The following MTUS1 variants were observed in gnomAD, a reference collection of about 807,000 sequenced individuals.
MTUS1 encodes the protein microtubule associated scaffold protein 1, also known as microtubule-associated tumor suppressor 1.
MTUS1 carries 109 observed loss-of-function variants against 120.8 expected under a neutral mutation model. The observed-to-expected ratio is 0.90, with a 90% CI of 0.77 to 1.06. The LOEUF is 1.06. MTUS1 is among the 50% of genes least tolerant of loss of function. The pLI is 0.00. For synonymous variants in MTUS1, 737 were observed against 550.5 expected, an observed-to-expected ratio of 1.34 and a Z score of -4.74; for missense variants, 2,210 against 1,486.3, an observed-to-expected ratio of 1.49 and a Z score of -8.01.
chr8:17,741,129 T>G (rs1434783709), intron 3 of MTUS1, among the ~76,000 whole-genome samples: 1 of 152,102 alleles, frequency 6.6e-6, no homozygotes, highest in Admixed American at 6.6e-5. Flanking sequence ...TCCACCTGCC[T>G]CAGCCTCCCA....
At chr8:17,745,506 GC>G (rs2047675744) in intron 2 of MTUS1, among the ~76,000 whole-genome samples, 1 of 152,226 alleles carries the variant, frequency 6.6e-6, no homozygotes, top group South Asian at 2.1e-4. Flanking sequence ...CAGATGTGGA[GC>G]CCATAGATAC....
Position 17,684,263 on chromosome 8 carries a change from G to C in MTUS1, c.2838+65C>G, listed in dbSNP as rs921498022. ...AGATATTCCCAAGGCCAGCGTGTGAGCAAGTCCTCCCCGTGCTCCCCCGAC... is the reference window on the plus strand; with the variant it reads ...AGATATTCCCAAGGCCAGCGTGTGACCAAGTCCTCCCCGTGCTCCCCCGAC... On this transcript the variant is annotated intron_variant, in intron 7 of 14. Transcript: ENST00000693296. The C allele has an allele frequency of 5.2e-5, 61 of 1,180,202 alleles. No individual in the cohort carries two copies. The African/African-American group carries it at 8.3e-4, about 16-fold the overall frequency. The allele number at this position is 1,180,202 out of a possible 1,614,324, so 73.1% of individuals were successfully genotyped here. A position where few individuals can be genotyped will look rare whatever the true frequency, so the allele number is the denominator to read the frequency against.
chr8:17,688,805 G>A (rs57420854), intron 6 of MTUS1, among the ~76,000 whole-genome samples: 2 of 152,160 alleles, frequency 1.3e-5, no homozygotes, highest in African/African-American at 2.4e-5. Context: ...TAATTTAGGA[G>A]ACATATATTT....
chr8:17,652,458 G>C (rs1362677224), intron 12 of MTUS1, among the ~76,000 whole-genome samples: 1 of 152,080 alleles, frequency 6.6e-6, no homozygotes, highest in Non-Finnish European at 1.5e-5. Flanking sequence ...CATAGAGATA[G>C]AAAGTAGACG....
chr8:17,772,309 CTATAT>C (rs1308259846), intron 1 of MTUS1, among the ~76,000 whole-genome samples: 1 of 152,136 alleles, frequency 6.6e-6, no homozygotes, highest in Admixed American at 6.5e-5. Context: ...CACCATTATA[CTATAT>C]TAAATACTTT....
chr8:17,669,955 C>T (rs560531723), intron 8 of MTUS1, among the ~76,000 whole-genome samples: 41 of 152,176 alleles, frequency 2.7e-4, no homozygotes, highest in Non-Finnish European at 5.7e-4. Context: ...GCAAGGTGAC[C>T]CATTGGGTAG....
chr8:17,746,635 G>C (rs1250070584), intron 2 of MTUS1, among the ~76,000 whole-genome samples: 1 of 152,056 alleles, frequency 6.6e-6, no homozygotes, highest in Non-Finnish European at 1.5e-5. Context: ...TCTCCCACCA[G>C]GTCCCTCCCA....
chr8:17,695,956 T>A (rs539843715), intron 6 of MTUS1, among the ~76,000 whole-genome samples: 101 of 152,282 alleles, frequency 6.6e-4, no homozygotes, highest in Non-Finnish European at 1.1e-3. Context: ...CCTTCCATAC[T>A]GTTTGATTTT....
chr8:17,721,061 G>A (rs940596933), intron 4 of MTUS1, among the ~76,000 whole-genome samples: 8 of 152,146 alleles, frequency 5.3e-5, no homozygotes, highest in African/African-American at 1.2e-4. Context: ...ACAGCACTGT[G>A]TTATATCAGA....
intron 1 of MTUS1, among the ~76,000 whole-genome samples, chr8:17,763,576 CT>C (rs1240942069): frequency 1.3e-5 from 2 of 152,060 alleles, no homozygotes; most frequent in Non-Finnish European, 2.9e-5. Flanking sequence ...ATGGCCCGAC[CT>C]CTTTTTTTCT....
intron 13 of MTUS1, among the ~76,000 whole-genome samples, chr8:17,647,805 C>T (rs1176541955): frequency 6.6e-6 from 1 of 152,162 alleles, no homozygotes; most frequent in African/African-American, 2.4e-5. Context: ...CTGATTCCAT[C>T]CCCCACTCAC....
At chr8:17,721,836 A>G (rs2045869104) in intron 4 of MTUS1, 2 of 1,614,034 alleles carry the variant, frequency 1.2e-6, no homozygotes, top group Admixed American at 3.3e-5. Context: ...TGAGTGTAGA[A>G]TTGATAAAGA....
chr8:17,690,676 C>A (rs1486584974), intron 6 of MTUS1, among the ~76,000 whole-genome samples: 1 of 152,128 alleles, frequency 6.6e-6, no homozygotes, highest in Non-Finnish European at 1.5e-5. Context: ...AAATACTAAA[C>A]TGTCGACAAG....
intron 6 of MTUS1, among the ~76,000 whole-genome samples, chr8:17,712,647 G>A (rs906116845): frequency 9.9e-5 from 15 of 152,040 alleles, no homozygotes; most frequent in Admixed American, 3.9e-4. Flanking sequence ...CCTATCTGTC[G>A]GTCTGTCTGT....
chr8:17,775,271 A>T (rs905961207), intron 1 of MTUS1, among the ~76,000 whole-genome samples: 5 of 150,544 alleles, frequency 3.3e-5, no homozygotes, highest in South Asian at 2.1e-4. Flanking sequence ...TTTTACCATA[A>T]TTTTTTTTTT....
At chr8:17,668,422 G>C (rs935298522) in intron 8 of MTUS1, among the ~76,000 whole-genome samples, 1 of 152,134 alleles carries the variant, frequency 6.6e-6, no homozygotes, top group Non-Finnish European at 1.5e-5. Context: ...TATTGCACCA[G>C]CTGTTATTCA....
Position 17,755,581 on chromosome 8 carries a change from C to A in MTUS1, c.227G>T (p.Gly76Val). The change falls in exon 2 of 15, where the codon GGT (glycine) becomes GTT (valine). Residue 76 changes from glycine (G) to valine (V), a missense_variant. By Grantham distance (109) the Gly-to-Val change is moderately radical. Transcript: ENST00000693296. Reference protein sequence around the residue: ...TGENISLSLQGVEVFGHEKSS... With the variant: ...TGENISLSLQVVEVFGHEKSS... Reference sequence around the variant, plus strand: ...CTTTTCATGACCAAATACTTCAACACCCTGAAGGCTTAAAGAAATATTTTC... The same window carrying A: ...CTTTTCATGACCAAATACTTCAACAACCTGAAGGCTTAAAGAAATATTTTC... The A allele has an allele frequency of 6.2e-7, 1 of 1,614,174 alleles. No homozygotes were observed. Among genetic ancestry groups the A allele is most frequent in the Non-Finnish European group, 8.5e-7 (1 of 1,180,030 alleles).
chr8:17,697,522 G>C, intron 6 of MTUS1: 3 of 1,392,466 alleles, frequency 2.2e-6, no homozygotes, highest in East Asian at 5.1e-5. Context: ...TTCCACCAGA[G>C]AGGCATAGAA....
chr8:17,724,971 GTCTCAAAC>G (rs2046118986), intron 3 of MTUS1, among the ~76,000 whole-genome samples: 1 of 152,076 alleles, frequency 6.6e-6, no homozygotes, highest in Admixed American at 6.6e-5. Flanking sequence ...GCCCAGGCTG[GTCTCAAAC>G]TTCTGGCCTT....
Sources: allele counts gnomAD v4.1 joint callset (sites outside exome capture counted in the v4.1 genomes callset), GRCh38; gene constraint gnomAD v4.1.1; transcripts MANE v1.5; gene names NCBI Gene and HGNC (gene_info 2026-07-23, HGNC 2026-07-21).